Variants in LURAP1L observed in about 807,000 individuals in gnomAD.
The protein encoded by LURAP1L is leucine rich adaptor protein 1 like.
A neutral mutation model predicts 13.8 loss-of-function variants in LURAP1L; 12 were observed. The ratio of observed to expected loss-of-function variants is 0.87; its 90% CI spans 0.56 to 1.41. The LOEUF (loss-of-function observed/expected upper bound fraction) is 1.41, where lower values mean the gene tolerates loss of function less well. LURAP1L is among the 40% of genes most tolerant of loss of function. LURAP1L has a pLI of 0.00. For missense variants in LURAP1L, 375 were observed against 292.9 expected, an observed-to-expected ratio of 1.28 and a Z score of -2.04; for synonymous variants, 139 against 119.2, an observed-to-expected ratio of 1.17 and a Z score of -1.08.
At chr9:12,818,010 G>C (rs1434650348) in intron 1 of LURAP1L, among the ~76,000 whole-genome samples, 4 of 151,966 alleles carry the variant, frequency 2.6e-5, no homozygotes, top group African/African-American at 9.7e-5. Context: ...GGAGGACACA[G>C]GGTTAGACAT....
At chr9:12,791,815 T>C (rs12551666) in intron 1 of LURAP1L, among the ~76,000 whole-genome samples, 22,733 of 152,014 alleles carry the variant, frequency 0.15, 1,890 homozygotes, top group East Asian at 0.35. Context: ...AAAAGAACAG[T>C]TGTGGGGCAT....
At chr9:12,799,654 A>G (rs1284885206) in intron 1 of LURAP1L, among the ~76,000 whole-genome samples, 1 of 152,064 alleles carries the variant, frequency 6.6e-6, no homozygotes, top group Admixed American at 6.6e-5. Context: ...GCCGAGGTGG[A>G]TGGATCACGA....
At chr9:12,793,229 C>G (rs1226771120) in intron 1 of LURAP1L, among the ~76,000 whole-genome samples, 3 of 152,026 alleles carry the variant, frequency 2.0e-5, no homozygotes, top group African/African-American at 7.2e-5. Flanking sequence ...ACCACCCTGT[C>G]TACCAATGTG....
intron 1 of LURAP1L, among the ~76,000 whole-genome samples, chr9:12,780,387 T>TATTTTTCAGGTGTAC (rs55841068): frequency 6.6e-6 from 1 of 152,108 alleles, no homozygotes; most frequent in East Asian, 1.9e-4. Flanking sequence ...AACAAGGTTA[T>TATTTTTCAGGTGTAC]ATTTCAAAAG....
chr9:12,779,852 G>A (rs1819245163), intron 1 of LURAP1L, among the ~76,000 whole-genome samples: 1 of 152,154 alleles, frequency 6.6e-6, no homozygotes, highest in African/African-American at 2.4e-5. Context: ...CTTCCCAGGA[G>A]GAACAAGCAC....
chr9:12,820,721 A>T (rs974378967), intron 1 of LURAP1L, among the ~76,000 whole-genome samples: 1 of 152,106 alleles, frequency 6.6e-6, no homozygotes, highest in Admixed American at 6.5e-5. Context: ...TATTAGAGCA[A>T]TTTGGTTCTT....
chr9:12,820,514 C>CCCCCCCAAAA (rs1554659926), intron 1 of LURAP1L, among the ~76,000 whole-genome samples: 1 of 41,716 alleles, frequency 2.4e-5, no homozygotes, highest in African/African-American at 8.3e-5. Flanking sequence ...CCCCCCCCCC[C>CCCCCCCAAAA]AAAAAAAAAA....
Position 12,780,689 on chromosome 9 carries a change from A to G in LURAP1L, c.312+4662A>G, listed in dbSNP as rs148080857. ...GAACGAACATTTTTATAGTAATTTC[A>G]TCACATATCTACCAATGGATCTTTT... On this transcript the variant is annotated intron_variant, in intron 1 of 1. Coordinates refer to ENST00000319264, the MANE Select transcript of LURAP1L (RefSeq NM_203403.2). Among the ~76,000 whole-genome samples, 325 of 152,204 alleles carry G rather than the reference A, an allele frequency of 2.1e-3. 2 individuals are homozygous for G. Among genetic ancestry groups the G allele is most frequent in the African/African-American group, 6.6e-3 (275 of 41,552 alleles).
intron 1 of LURAP1L, among the ~76,000 whole-genome samples, chr9:12,776,566 A>G (rs1819187749): frequency 6.6e-6 from 1 of 152,020 alleles, no homozygotes; most frequent in South Asian, 2.1e-4. Flanking sequence ...TTGGTGCAGC[A>G]GCCGCAGCTG....
chr9:12,808,464 C>A (rs543344963), intron 1 of LURAP1L, among the ~76,000 whole-genome samples: 1 of 152,002 alleles, frequency 6.6e-6, no homozygotes, highest in Non-Finnish European at 1.5e-5. Context: ...TTATTTTTCC[C>A]AAACTTCTTC....
intron 1 of LURAP1L, among the ~76,000 whole-genome samples, chr9:12,789,816 T>C (rs1450837833): frequency 6.6e-6 from 1 of 152,196 alleles, no homozygotes. Flanking sequence ...AAATAGTCTT[T>C]GCCCAGAGAG....
chr9:12,785,693 A>G (rs944866370), intron 1 of LURAP1L, among the ~76,000 whole-genome samples: 2 of 152,118 alleles, frequency 1.3e-5, no homozygotes, highest in African/African-American at 4.8e-5. Flanking sequence ...TCCCTCCCTC[A>G]AGCACACAGA....
chr9:12,813,127 C>T (rs545508605), intron 1 of LURAP1L, among the ~76,000 whole-genome samples: 58 of 152,242 alleles, frequency 3.8e-4, no homozygotes, highest in Non-Finnish European at 7.4e-4. Flanking sequence ...AGCCTTCATT[C>T]CGTACCTCCT....
chr9:12,814,211 G>A (rs1819775023), intron 1 of LURAP1L: 1 of 152,152 alleles, frequency 6.6e-6, no homozygotes, highest in South Asian at 2.1e-4. Flanking sequence ...TCACGGAGGA[G>A]CACATTAACA....
At chr9:12,802,687 T>A (rs1050031605) in intron 1 of LURAP1L, among the ~76,000 whole-genome samples, 1 of 152,140 alleles carries the variant, frequency 6.6e-6, no homozygotes, top group Non-Finnish European at 1.5e-5. Context: ...AGAAGTGGGT[T>A]AAAACTCCTG....
rs1268305246 is a variant in LURAP1L, at chr9:12,822,058, C to G, written c.*298C>G. 2 of 269,718 alleles carry G rather than the reference C, an allele frequency of 7.4e-6. No individual in the cohort carries two copies. The highest frequency in any genetic ancestry group is 7.0e-6 in the Non-Finnish European group (1 of 143,164). The allele number at this position is 269,718 out of a possible 1,614,324, so 16.7% of individuals were successfully genotyped here. On this transcript the variant is annotated 3_prime_UTR_variant, in exon 2 of 2. Transcript: ENST00000319264. ...ATAATTATGTTTTTGCTTTTGTTTT[C>G]AGAGCAATGGGTCAGGGATTACAAG...
At chr9:12,808,975 A>G (rs1819700132) in intron 1 of LURAP1L, among the ~76,000 whole-genome samples, 1 of 152,180 alleles carries the variant, frequency 6.6e-6, no homozygotes, top group Admixed American at 6.5e-5. Context: ...AGGTGCCACC[A>G]TCTACTTCTG....
intron 1 of LURAP1L, among the ~76,000 whole-genome samples, chr9:12,792,040 G>A (rs569009469): frequency 6.6e-6 from 1 of 152,036 alleles, no homozygotes; most frequent in Non-Finnish European, 1.5e-5. Context: ...AGCATAGGAG[G>A]GTTGATTAGA....
At chr9:12,787,351 T>C (rs527256115) in intron 1 of LURAP1L, among the ~76,000 whole-genome samples, 1 of 152,290 alleles carries the variant, frequency 6.6e-6, no homozygotes, top group African/African-American at 2.4e-5. Flanking sequence ...TGTATATGTA[T>C]ATATATGCAC....
Sources: gnomAD v4.1 joint callset for allele counts (sites outside exome capture counted in the v4.1 genomes callset) on GRCh38, gnomAD v4.1.1 for gene constraint, MANE v1.5 for transcripts, NCBI Gene and HGNC (gene_info 2026-07-23, HGNC 2026-07-21) for gene names.